The following RPS6KA5 variants were observed in gnomAD, a reference collection of about 807,000 sequenced individuals.
The protein encoded by RPS6KA5 is ribosomal protein S6 kinase alpha-5.
A neutral mutation model predicts 85.5 loss-of-function variants in RPS6KA5; 27 were observed. The ratio of observed to expected loss-of-function variants is 0.32; its 90% confidence interval spans 0.23 to 0.44. The LOEUF is 0.44. RPS6KA5 is among the 20% of genes least tolerant of loss of function. The pLI, the probability that RPS6KA5 is intolerant of heterozygous loss-of-function variation, is 1.00. For synonymous variants in RPS6KA5, 334 were observed against 348.2 expected, an observed-to-expected ratio of 0.96 and a Z score of 0.46; for missense variants, 811 against 980.9, an observed-to-expected ratio of 0.83 and a Z score of 2.31.
intron 5 of RPS6KA5, among the ~76,000 whole-genome samples, chr14:90,938,439 TCCA>T (rs1477441660): frequency 6.6e-6 from 1 of 152,156 alleles, no homozygotes; most frequent in Admixed American, 6.5e-5. Flanking sequence ...TTCTCACAGC[TCCA>T]CTAGGCAGTG....
intron 2 of RPS6KA5, among the ~76,000 whole-genome samples, chr14:90,986,526 A>T (rs573012735): frequency 5.9e-5 from 9 of 152,372 alleles, no homozygotes; most frequent in African/African-American, 2.2e-4. Context: ...CTCTATTTAT[A>T]TCTCAAAAGA....
At chr14:90,934,039 C>T (rs1374931750) in intron 5 of RPS6KA5, among the ~76,000 whole-genome samples, 2 of 152,154 alleles carry the variant, frequency 1.3e-5, no homozygotes, top group Non-Finnish European at 2.9e-5. Flanking sequence ...TCACCCTATT[C>T]CCTATTCCTG....
chr14:90,897,514 A>C (rs1405810056), intron 12 of RPS6KA5, among the ~76,000 whole-genome samples: 1 of 152,208 alleles, frequency 6.6e-6, no homozygotes. Context: ...AGTTGAAGAA[A>C]AGACTGGATA....
intron 2 of RPS6KA5, among the ~76,000 whole-genome samples, chr14:90,992,332 C>T (rs1359852857): frequency 6.6e-6 from 1 of 152,156 alleles, no homozygotes; most frequent in Non-Finnish European, 1.5e-5. Flanking sequence ...TGGCTGACAA[C>T]TGATCCATTA....
intron 1 of RPS6KA5, among the ~76,000 whole-genome samples, chr14:91,034,840 C>T (rs1039616057): frequency 2.0e-5 from 3 of 152,046 alleles, no homozygotes; most frequent in Admixed American, 2.0e-4. Flanking sequence ...GAATAAATTT[C>T]GGACACAGTG....
chr14:90,895,433 T>C (rs1359949948), intron 12 of RPS6KA5, among the ~76,000 whole-genome samples: 2 of 152,170 alleles, frequency 1.3e-5, no homozygotes, highest in African/African-American at 4.8e-5. Flanking sequence ...AGTTTCAGGG[T>C]TCCTGTTAAT....
intron 1 of RPS6KA5, among the ~76,000 whole-genome samples, chr14:91,038,555 T>C (rs1595530773): frequency 6.6e-6 from 1 of 152,216 alleles, no homozygotes; most frequent in African/African-American, 2.4e-5. Context: ...CTGTACACAC[T>C]GGCCCAGAAT....
At chr14:90,886,638 G>A (rs895189880) in intron 14 of RPS6KA5, among the ~76,000 whole-genome samples, 6 of 152,206 alleles carry the variant, frequency 3.9e-5, no homozygotes, top group African/African-American at 1.4e-4. Context: ...AATCCAAAGA[G>A]AGGGCCCTCA....
At position 90,865,080 on chromosome 14, in the gene RPS6KA5, GGGTCTC is replaced by G. The variant is rs2032742840; in HGVS notation, c.*6988_*6993del. On this transcript the variant is annotated 3_prime_UTR_variant, in exon 17 of 17. Transcript: ENST00000614987. ...TTTTTTTGTCTGTTTTTTTGAGACAGGGTCTCACTCTATCGCCCAGGATGGAATGTA... is the reference window on the plus strand; with the variant it reads ...TTTTTTTGTCTGTTTTTTTGAGACAGACTCTATCGCCCAGGATGGAATGTA... 6.6e-6 allele frequency: 1 copy of G among 152,052 alleles called. No individual in the cohort carries two copies. Among genetic ancestry groups the G allele is most frequent in the Non-Finnish European group, 1.5e-5 (1 of 68,020 alleles). The allele number at this position is 152,052 out of a possible 1,614,324, so 9.4% of individuals were successfully genotyped here.
chr14:91,008,745 A>C (rs962894696), intron 1 of RPS6KA5, among the ~76,000 whole-genome samples: 3 of 152,242 alleles, frequency 2.0e-5, no homozygotes, highest in African/African-American at 7.2e-5. Flanking sequence ...TAGCTGGCTC[A>C]AAACCTGGAA....
intron 3 of RPS6KA5, among the ~76,000 whole-genome samples, chr14:90,966,806 T>C (rs1192246195): frequency 6.6e-6 from 1 of 152,160 alleles, no homozygotes; most frequent in Non-Finnish European, 1.5e-5. Context: ...AGTATTAAGG[T>C]AGATTCTTCA....
intron 7 of RPS6KA5, among the ~76,000 whole-genome samples, chr14:90,915,483 C>T (rs2036069530): frequency 6.6e-6 from 1 of 151,908 alleles, no homozygotes; most frequent in Non-Finnish European, 1.5e-5. Flanking sequence ...TGGCCATTGG[C>T]GTAAAAGATG....
chr14:90,979,348 A>G (rs939807532), intron 2 of RPS6KA5, among the ~76,000 whole-genome samples: 1 of 152,264 alleles, frequency 6.6e-6, no homozygotes, highest in African/African-American at 2.4e-5. Flanking sequence ...CACTTTGGGA[A>G]TGAAAAGGTG....
chr14:91,020,949 T>C (rs1386066562), intron 1 of RPS6KA5, among the ~76,000 whole-genome samples: 2 of 152,154 alleles, frequency 1.3e-5, no homozygotes, highest in African/African-American at 4.8e-5. Context: ...AGGTGATGTG[T>C]GCTTTGCAGG....
At chr14:91,045,891 C>T (rs2042852195) in intron 1 of RPS6KA5, among the ~76,000 whole-genome samples, 1 of 152,176 alleles carries the variant, frequency 6.6e-6, no homozygotes, top group African/African-American at 2.4e-5. Flanking sequence ...TTGAATGTCA[C>T]ACTCAAGCCA....
chr14:90,980,875 A>G (rs2039759599), intron 2 of RPS6KA5, among the ~76,000 whole-genome samples: 2 of 152,218 alleles, frequency 1.3e-5, no homozygotes, highest in South Asian at 4.1e-4. Context: ...CTCTGTTTGA[A>G]AATCTTCCTT....
intron 2 of RPS6KA5, among the ~76,000 whole-genome samples, chr14:90,991,701 C>CAAAAAAAAAA (rs57545603): frequency 1.2e-5 from 1 of 86,022 alleles, no homozygotes; most frequent in Admixed American, 1.4e-4. Context: ...GACTCCATCT[C>CAAAAAAAAAA]AAAAAAAAAA....
intron 13 of RPS6KA5, among the ~76,000 whole-genome samples, chr14:90,892,816 T>G (rs2034637914): frequency 6.6e-6 from 1 of 152,258 alleles, no homozygotes; most frequent in Non-Finnish European, 1.5e-5. Context: ...GACATTTTAT[T>G]ATGAAAATGT....
intron 14 of RPS6KA5, among the ~76,000 whole-genome samples, chr14:90,882,441 T>C (rs2033901884): frequency 6.6e-6 from 1 of 152,272 alleles, no homozygotes; most frequent in Non-Finnish European, 1.5e-5. Flanking sequence ...TTTTTACAAC[T>C]GGCCTTGTAT....
Sources: gnomAD v4.1 joint callset for allele counts (sites outside exome capture counted in the v4.1 genomes callset) on GRCh38, gnomAD v4.1.1 for gene constraint, MANE v1.5 for transcripts, NCBI Gene and HGNC (gene_info 2026-07-23, HGNC 2026-07-21) for gene names.